Variants in EMC2 observed in about 807,000 individuals in gnomAD.
The protein encoded by EMC2 is TPR repeat protein 35.
A neutral mutation model predicts 51.6 loss-of-function variants in EMC2; 37 were observed. That is an observed-to-expected ratio of 0.72 (90% CI 0.55 to 0.94). The LOEUF is 0.94. Among genes scored for constraint, EMC2 ranks in the 40% least tolerant of loss-of-function variants. The probability of loss-of-function intolerance (pLI) is 0.00; values close to 1 mark genes in which losing one functional copy is unlikely to be tolerated. For synonymous variants in EMC2, 131 were observed against 112.4 expected (o/e 1.17, Z -1.04); for missense variants, 359 against 350.9 (o/e 1.02, Z -0.18).
rs1156426033 is a variant in EMC2 at position 108,459,895 on chromosome 8, T to C, written c.363+3965T>C. Among the ~76,000 whole-genome samples the C allele has an allele frequency of 2.0e-5, 3 of 152,214 alleles. No individual in the cohort carries two copies. The East Asian group carries it at 5.8e-4, about 29-fold the overall frequency. ...ATAAGAAATAGCTTCTATAAGCTAATGTAGATACTGAGAATAAAACGTTAA... is the reference window on the plus strand; with the variant it reads ...ATAAGAAATAGCTTCTATAAGCTAACGTAGATACTGAGAATAAAACGTTAA... On this transcript the variant is annotated intron_variant, in intron 5 of 10. Transcript: ENST00000220853.
chr8:108,485,108 A>T (rs1003850092), intron 10 of EMC2, among the ~76,000 whole-genome samples: 1 of 151,902 alleles, frequency 6.6e-6, no homozygotes, highest in African/African-American at 2.4e-5. Flanking sequence ...GTTAAGCTGT[A>T]GCCAGAGGGG....
intron 5 of EMC2, among the ~76,000 whole-genome samples, chr8:108,469,598 C>T (rs1025272552): frequency 1.3e-5 from 2 of 152,158 alleles, no homozygotes; most frequent in African/African-American, 2.4e-5. Context: ...TTGGATGAAA[C>T]GATGCATACA....
chr8:108,478,764 A>G (rs1810992547), intron 9 of EMC2, among the ~76,000 whole-genome samples: 1 of 151,870 alleles, frequency 6.6e-6, no homozygotes, highest in African/African-American at 2.4e-5. Flanking sequence ...TACATAATTA[A>G]ATAATTTTAG....
intron 7 of EMC2, among the ~76,000 whole-genome samples, chr8:108,470,456 T>C (rs1810832583): frequency 6.6e-6 from 1 of 152,178 alleles, no homozygotes; most frequent in Non-Finnish European, 1.5e-5. Flanking sequence ...TTGTGAATTT[T>C]TAGAGTTCAG....
rs965307297 is a variant in EMC2, at chr8:108,476,958, C to T, written c.702+66C>T. 34 of 767,456 alleles carry T rather than the reference C, an allele frequency of 4.4e-5. No individual in the cohort carries two copies. The Admixed American group carries it at 6.0e-4, about 13-fold the overall frequency. The allele number at this position is 767,456 out of a possible 1,614,324, so 47.5% of individuals were successfully genotyped here. A position where few individuals can be genotyped will look rare whatever the true frequency, so the allele number is the denominator to read the frequency against. Reference sequence around the variant, plus strand: ...GTCACTTAAAATCCATTTAACTATCCCCTTCAATCACTCCTCTCCTGTTTT... The same window carrying T: ...GTCACTTAAAATCCATTTAACTATCTCCTTCAATCACTCCTCTCCTGTTTT... On this transcript the variant is annotated intron_variant, in intron 9 of 10. Transcript: ENST00000220853.
intron 4 of EMC2, 49 bp downstream of exon 4, chr8:108,453,196 G>A: frequency 8.8e-7 from 1 of 1,133,570 alleles, no homozygotes; most frequent in South Asian, 1.5e-5. Flanking sequence ...TAATCATGGT[G>A]GTGTTAATTT....
intron 5 of EMC2, among the ~76,000 whole-genome samples, chr8:108,465,547 T>A (rs2130377443): frequency 6.6e-6 from 1 of 152,338 alleles, no homozygotes; most frequent in Non-Finnish European, 1.5e-5. Flanking sequence ...GCCAGTTGAT[T>A]TACTTTTGAA....
chr8:108,476,494 G>A (rs1188629496), intron 8 of EMC2, among the ~76,000 whole-genome samples: 2 of 151,864 alleles, frequency 1.3e-5, no homozygotes, highest in Non-Finnish European at 2.9e-5. Flanking sequence ...AAGCATTTGC[G>A]AGGCAGCTGA....
intron 5 of EMC2, chr8:108,456,167 C>A (rs1288491045): frequency 6.0e-6 from 1 of 165,914 alleles, no homozygotes; most frequent in Non-Finnish European, 1.3e-5. Context: ...AACCCCATCT[C>A]TACTAAAAAG....
At chr8:108,480,401 T>G (rs1209000989) in intron 10 of EMC2, among the ~76,000 whole-genome samples, 1 of 152,142 alleles carries the variant, frequency 6.6e-6, no homozygotes, top group Admixed American at 6.6e-5. Flanking sequence ...AGCTTGGCTA[T>G]TCTATGGCCG....
intron 2 of EMC2, 124 bp from the exon 3 acceptor site, chr8:108,450,304 A>C (rs757162073): frequency 1.9e-5 from 13 of 672,376 alleles, no homozygotes; most frequent in Non-Finnish European, 3.2e-5. Context: ...GAGATAATAC[A>C]ATAAATCAGT....
intron 1 of EMC2, among the ~76,000 whole-genome samples, chr8:108,445,703 T>G (rs1299806343): frequency 1.3e-5 from 2 of 152,212 alleles, no homozygotes; most frequent in Non-Finnish European, 2.9e-5. Context: ...CAATTGTGTT[T>G]TGTTTTAAAA....
chr8:108,473,759 A>G (rs1193078045), intron 7 of EMC2: 1 of 152,046 alleles, frequency 6.6e-6, no homozygotes, highest in Admixed American at 6.6e-5. Flanking sequence ...TTAGTTATAT[A>G]TACTTTTGTA....
chr8:108,444,289 C>A (rs920666290), intron 1 of EMC2, among the ~76,000 whole-genome samples: 1 of 152,206 alleles, frequency 6.6e-6, no homozygotes, highest in East Asian at 1.9e-4. Flanking sequence ...CAACTTCTTT[C>A]TTACTCCCTA....
chr8:108,454,512 T>C (rs1463857154), intron 4 of EMC2, among the ~76,000 whole-genome samples: 1 of 152,102 alleles, frequency 6.6e-6, no homozygotes, highest in Non-Finnish European at 1.5e-5. Context: ...TTCTTCTCTT[T>C]CGTCATTTGT....
intron 8 of EMC2, among the ~76,000 whole-genome samples, 180 bp from the exon 9 acceptor site, chr8:108,476,601 GA>G (rs1810951306): frequency 1.3e-5 from 2 of 151,862 alleles, no homozygotes; most frequent in Admixed American, 1.3e-4. Context: ...CTTTTTTGGG[GA>G]AGGTTATGTT....
At chr8:108,473,504 C>T (rs1351873147) in intron 7 of EMC2, among the ~76,000 whole-genome samples, 1 of 151,982 alleles carries the variant, frequency 6.6e-6, no homozygotes, top group Non-Finnish European at 1.5e-5. Context: ...TTAAGGGATA[C>T]CCAACCTTTG....
At chr8:108,469,146 T>G (rs1212695642) in intron 5 of EMC2, among the ~76,000 whole-genome samples, 1 of 152,222 alleles carries the variant, frequency 6.6e-6, no homozygotes, top group Non-Finnish European at 1.5e-5. Context: ...AATGAGCTTC[T>G]GCAAGGAATT....
intron 1 of EMC2, among the ~76,000 whole-genome samples, chr8:108,446,833 C>T (rs1818887717): frequency 6.6e-6 from 1 of 152,164 alleles, no homozygotes; most frequent in African/African-American, 2.4e-5. Flanking sequence ...GTATTTATTA[C>T]AGCAGCACTC....
Sources: allele counts gnomAD v4.1 joint callset (sites outside exome capture counted in the v4.1 genomes callset), GRCh38; gene constraint gnomAD v4.1.1; transcripts MANE v1.5; gene names NCBI Gene and HGNC (gene_info 2026-07-23, HGNC 2026-07-21).